KCTD16: variants seen among roughly 807,000 people sequenced by gnomAD.
KCTD16 encodes potassium channel tetramerization domain containing 16.
KCTD16 carries 13 observed loss-of-function variants against 33.2 expected under a neutral mutation model. That is an observed-to-expected ratio of 0.39 (90% confidence interval 0.25 to 0.62). The LOEUF (loss-of-function observed/expected upper bound fraction) is 0.62. Among genes scored for constraint, KCTD16 ranks in the 20% least tolerant of loss-of-function variants. The pLI, the probability that KCTD16 is intolerant of heterozygous loss-of-function variation, is 0.50. For synonymous variants in KCTD16, 197 were observed against 195.3 expected, an observed-to-expected ratio of 1.01 and a Z score of -0.07; for missense variants, 441 against 525.1, an observed-to-expected ratio of 0.84 and a Z score of 1.57.
At chr5:144,326,525 T>C (rs1446325702) in intron 3 of KCTD16, among the ~76,000 whole-genome samples, 1 of 152,052 alleles carries the variant, frequency 6.6e-6, no homozygotes. Flanking sequence ...AAAATGGAAA[T>C]AAAATAAATA....
At chr5:144,346,165 AT>A (rs1197777638) in intron 3 of KCTD16, among the ~76,000 whole-genome samples, 1 of 152,056 alleles carries the variant, frequency 6.6e-6, no homozygotes, top group Non-Finnish European at 1.5e-5. Context: ...AGTTCCATCC[AT>A]GTTGCTGCAA....
chr5:144,326,057 T>G (rs1374237437), intron 3 of KCTD16, among the ~76,000 whole-genome samples: 1 of 152,190 alleles, frequency 6.6e-6, no homozygotes, highest in African/African-American at 2.4e-5. Context: ...TGTGATTATT[T>G]TAATTATGTA....
intron 2 of KCTD16, among the ~76,000 whole-genome samples, chr5:144,192,293 T>C (rs1341311826): frequency 6.6e-6 from 1 of 152,234 alleles, no homozygotes; most frequent in Non-Finnish European, 1.5e-5. Context: ...TCGGCTTTGA[T>C]GATCTTGACA....
rs1018158873 is a variant in KCTD16 at position 144,479,733 on chromosome 5, C to T, written c.*5619C>T. On this transcript the variant is annotated 3_prime_UTR_variant, in exon 4 of 4. Transcript: ENST00000512467. ...TTCCTAATGTTCAAAAAATGTTTCT[C>T]TTGCTTGTGAACAAATTTTGTTGCC... is the stretch of plus-strand genomic sequence containing the variant. The T allele has an allele frequency of 6.6e-6, 1 of 151,930 alleles. No individual in the cohort carries two copies. Among genetic ancestry groups the T allele is most frequent in the African/African-American group, 2.4e-5 (1 of 41,390 alleles). The allele number at this position is 151,930 out of a possible 1,614,324, so 9.4% of individuals were successfully genotyped here.
At chr5:144,196,956 AAG>A (rs1752951091) in intron 2 of KCTD16, among the ~76,000 whole-genome samples, 1 of 152,174 alleles carries the variant, frequency 6.6e-6, no homozygotes, top group African/African-American at 2.4e-5. Context: ...TACAGCAAAA[AAG>A]GTGATGTTTC....
In KCTD16 at chr5:144,349,571, T is replaced by C. The variant is rs145145262; in HGVS notation, c.833-124089T>C. ...GGCAAAGATGTCCAATATTAGGCAA[T>C]TGTATGGATCTTCTCGCCTCTTTGA... On this transcript the variant is annotated intron_variant, in intron 3 of 3. Transcript: ENST00000512467. Among the ~76,000 whole-genome samples the C allele has an allele frequency of 2.0e-5, 3 of 152,290 alleles. No homozygotes were observed. In the East Asian group the frequency reaches 5.8e-4, roughly 29 times the overall value.
chr5:144,336,927 A>G lies in KCTD16; in HGVS notation c.832+129381A>G, dbSNP rs1431604459. Among the ~76,000 whole-genome samples the G allele has an allele frequency of 2.0e-5, 3 of 151,930 alleles. No homozygotes were observed. In the East Asian group the frequency reaches 5.8e-4, roughly 29 times the overall value. On this transcript the variant is annotated intron_variant, in intron 3 of 3. Transcript: ENST00000512467. ...AAAATTATATAAAATCTAAGAGAGA[A>G]GTCTGTGTGGATGGGTGTCAGTGTT...
intron 2 of KCTD16, among the ~76,000 whole-genome samples, chr5:144,201,033 A>C (rs1580783285): frequency 6.6e-6 from 1 of 152,316 alleles, no homozygotes; most frequent in South Asian, 2.1e-4. Flanking sequence ...GGTGCGAGCC[A>C]CCTTACCCAG....
intron 3 of KCTD16, among the ~76,000 whole-genome samples, chr5:144,327,496 T>C (rs79717624): frequency 1.1e-4 from 16 of 152,302 alleles, no homozygotes; most frequent in Admixed American, 3.9e-4. Flanking sequence ...GAGCTGTGTA[T>C]GCTTGCCACA....
intron 3 of KCTD16, among the ~76,000 whole-genome samples, chr5:144,415,870 C>T (rs890306427): frequency 1.3e-5 from 2 of 152,102 alleles, no homozygotes; most frequent in Admixed American, 6.6e-5. Context: ...TTTAAATAAG[C>T]ATCTTAGTTA....
At chr5:144,229,889 C>G (rs111385245) in intron 3 of KCTD16, among the ~76,000 whole-genome samples, 2,863 of 152,312 alleles carry the variant, frequency 0.019, 84 homozygotes, top group African/African-American at 0.058. Context: ...CATCTGTAAT[C>G]CCAGCACTTT....
At chr5:144,378,935 C>T (rs1752152307) in intron 3 of KCTD16, among the ~76,000 whole-genome samples, 1 of 152,042 alleles carries the variant, frequency 6.6e-6, no homozygotes, top group African/African-American at 2.4e-5. Flanking sequence ...TGCAAGCATC[C>T]GTGAAATGGG....
intron 3 of KCTD16, among the ~76,000 whole-genome samples, chr5:144,260,826 AT>A (rs956068139): frequency 6.6e-6 from 1 of 151,896 alleles, no homozygotes; most frequent in Non-Finnish European, 1.5e-5. Context: ...TTGAGTCTCT[AT>A]TTATCTTGCC....
intron 3 of KCTD16, among the ~76,000 whole-genome samples, chr5:144,365,907 T>C (rs981211413): frequency 3.3e-5 from 5 of 152,212 alleles, no homozygotes; most frequent in East Asian, 1.9e-4. Context: ...TATTCTGCCA[T>C]TGGTGTAAAA....
At chr5:144,298,951 C>G (rs920139633) in intron 3 of KCTD16, among the ~76,000 whole-genome samples, 1 of 145,652 alleles carries the variant, frequency 6.9e-6, no homozygotes, top group African/African-American at 2.5e-5. Context: ...TCCTGATCAG[C>G]ACAATAAAGT....
intron 3 of KCTD16, among the ~76,000 whole-genome samples, chr5:144,266,891 G>T (rs1416807478): frequency 6.6e-6 from 1 of 151,952 alleles, no homozygotes; most frequent in Admixed American, 6.6e-5. Flanking sequence ...TCTGTCCTAT[G>T]ATACAGATAT....
At chr5:144,177,395 C>T (rs1042742100) in intron 2 of KCTD16, among the ~76,000 whole-genome samples, 1 of 152,140 alleles carries the variant, frequency 6.6e-6, no homozygotes, top group Admixed American at 6.5e-5. Context: ...AACAAAGTAC[C>T]ACAAACTGGG....
intron 3 of KCTD16, among the ~76,000 whole-genome samples, chr5:144,443,622 G>A (rs936632232): frequency 6.6e-6 from 1 of 151,886 alleles, no homozygotes; most frequent in African/African-American, 2.4e-5. Context: ...GTGTTTTTCT[G>A]TCATCCTCCA....
chr5:144,372,623 A>G (rs1382082552), intron 3 of KCTD16, among the ~76,000 whole-genome samples: 1 of 152,226 alleles, frequency 6.6e-6, no homozygotes, highest in African/African-American at 2.4e-5. Context: ...CACCTGTGCC[A>G]AATCCTGAAG....
Sources: gnomAD v4.1 joint callset for allele counts (sites outside exome capture counted in the v4.1 genomes callset) on GRCh38, gnomAD v4.1.1 for gene constraint, MANE v1.5 for transcripts, NCBI Gene and HGNC (gene_info 2026-07-23, HGNC 2026-07-21) for gene names.